LRP1: variants seen among roughly 807,000 people sequenced by gnomAD.
The protein encoded by LRP1 is prolow-density lipoprotein receptor-related protein 1.
A neutral mutation model predicts 541.5 loss-of-function variants in LRP1; 51 were observed. That is an observed-to-expected ratio of 0.09 (90% CI 0.08 to 0.12). The LOEUF is 0.12. Among genes scored for constraint, LRP1 ranks in the 10% least tolerant of loss-of-function variants. LRP1 has a pLI of 1.00. For synonymous variants in LRP1, 2,219 were observed against 2,470.8 expected, an observed-to-expected ratio of 0.90 and a Z score of 3.02; for missense variants, 3,878 against 6,376.2, an observed-to-expected ratio of 0.61 and a Z score of 13.34.
At chr12:57,164,549 T>G (rs1171722499) in intron 15 of LRP1, 2 of 152,232 alleles carry the variant, frequency 1.3e-5, no homozygotes, top group East Asian at 3.8e-4. Flanking sequence ...CTCAGCACTG[T>G]CATGGACATT....
rs764345628 is a variant in LRP1, at chr12:57,180,712, C to T, written c.5432C>T (p.Thr1811Ile). The change falls in exon 33 of 89, where the codon ACA becomes ATA. Residue 1811 changes from threonine (T) to isoleucine (I), a missense_variant. Physicochemically the swap from Thr to Ile is moderately conservative, Grantham distance 89 (BLOSUM62 -1). Coordinates refer to ENST00000243077, the MANE Select transcript of LRP1 (RefSeq NM_002332.3). Reference sequence around the variant, plus strand: ...GATCAGGTGTCGGAAAAGATGGGCACATGCAGCAAGGCTGACGGCTCGGGC... The same window carrying T: ...GATCAGGTGTCGGAAAAGATGGGCATATGCAGCAAGGCTGACGGCTCGGGC... Reference protein sequence around the residue: ...WADQVSEKMGTCSKADGSGSV... With the variant: ...WADQVSEKMGICSKADGSGSV... The T allele has an allele frequency of 4.3e-6, 7 of 1,614,094 alleles. No individual in the cohort carries two copies. Among genetic ancestry groups the T allele is most frequent in the Middle Eastern group, 1.6e-4 (1 of 6,062 alleles).
Position 57,204,401 on chromosome 12 carries a change from T to C in LRP1, c.10952-9T>C. ...GCTCATTCTATCTCTTGGCTCCCCC[T>C]GGCACCAGTGCGGACCTGCCCCCTG... On this transcript the variant is annotated splice_polypyrimidine_tract_variant and intron_variant, in intron 70 of 88. Coordinates refer to ENST00000243077, the MANE Select transcript of LRP1 (RefSeq NM_002332.3). The surrounding 1 kb of genome is among the most constrained non-coding windows in gnomAD (Gnocchi z 5.3). The C allele has an allele frequency of 6.6e-7, 1 of 1,518,912 alleles. No homozygotes were observed. Among genetic ancestry groups the C allele is most frequent in the Non-Finnish European group, 8.8e-7 (1 of 1,132,214 alleles). 94.1% of individuals were successfully genotyped at this position (1,518,912 alleles called of 1,614,324 possible).
Position 57,128,920 on chromosome 12 carries a change from G to C in LRP1, c.-45G>C. 6.6e-7 allele frequency: 1 copy of C among 1,510,712 alleles called. No homozygotes were observed. The highest frequency in any genetic ancestry group is 9.0e-7 in the Non-Finnish European group (1 of 1,114,512). 93.6% of individuals were successfully genotyped at this position (1,510,712 alleles called of 1,614,324 possible). A position where few individuals can be genotyped will look rare whatever the true frequency, so the allele number is the denominator to read the frequency against. ...CTGGGGGGGGTGAAGGAGAGAAGTA[G>C]CAGGACCAGAGGGGAAGGGGCTGCT... is the stretch of plus-strand genomic sequence containing the variant. On this transcript the variant is annotated 5_prime_UTR_variant, in exon 1 of 89. Transcript: ENST00000243077.
At position 57,184,031 on chromosome 12, in the gene LRP1, C is replaced by A; in HGVS notation, c.5930-54C>A. On this transcript the variant is annotated intron_variant, in intron 36 of 88. Coordinates refer to ENST00000243077, the MANE Select transcript of LRP1 (RefSeq NM_002332.3). This position sits in a 1 kb window ranked among gnomAD's most constrained non-coding sequence, Gnocchi z 7.8. ...GGGGTGCCTGGGAGCTTGGAGACACCAGGTCCACCTGTCCTCACCTAACCT... is the reference window on the plus strand; with the variant it reads ...GGGGTGCCTGGGAGCTTGGAGACACAAGGTCCACCTGTCCTCACCTAACCT... The A allele has an allele frequency of 6.2e-7, 1 of 1,601,568 alleles. No individual in the cohort carries two copies. The highest frequency in any genetic ancestry group is 1.1e-5 in the South Asian group (1 of 89,390).
Position 57,156,106 on chromosome 12 carries a change from T to C in LRP1, c.1240T>C (p.Tyr414His). The change falls in exon 9 of 89, where the codon TAC (tyrosine) becomes CAC (histidine). Residue 414 changes from tyrosine to histidine, a missense_variant. By Grantham distance (83) the Tyr-to-His change is moderately conservative. Coordinates refer to ENST00000243077, the MANE Select transcript of LRP1 (RefSeq NM_002332.3). This position sits in a 1 kb window ranked among gnomAD's most constrained non-coding sequence, Gnocchi z 5.2. ...IIQGILIEHL[Y>H]GLTVFENYLY... ...CTGCCCGTCTCAGATTGAGCACCTGTACGGCCTGACTGTGTTTGAGAATTA... is the reference window on the plus strand; with the variant it reads ...CTGCCCGTCTCAGATTGAGCACCTGCACGGCCTGACTGTGTTTGAGAATTA... 1 of 1,614,086 alleles carries C rather than the reference T, an allele frequency of 6.2e-7. No homozygotes were observed. Among genetic ancestry groups the C allele is most frequent in the Non-Finnish European group, 8.5e-7 (1 of 1,179,982 alleles).
At chr12:57,135,939 G>C (rs2136652394) in intron 1 of LRP1, among the ~76,000 whole-genome samples, 1 of 152,296 alleles carries the variant, frequency 6.6e-6, no homozygotes, top group African/African-American at 2.4e-5. Context: ...GGCCGTGGCT[G>C]TGCGCTCTGC....
intron 3 of LRP1, among the ~76,000 whole-genome samples, chr12:57,143,201 G>A (rs2136660683): frequency 6.6e-6 from 1 of 152,270 alleles, no homozygotes; most frequent in Non-Finnish European, 1.5e-5. Context: ...GGCCTCTAGG[G>A]CTCCGGGGAT....
chr12:57,145,520 T>A, intron 6 of LRP1, 30 bp downstream of exon 6: 1 of 1,606,892 alleles, frequency 6.2e-7, no homozygotes, highest in Non-Finnish European at 8.5e-7. Context: ...CTTGGAGGGC[T>A]GGGGAGGGTA....
chr12:57,196,941 AC>A (rs1299792456), intron 55 of LRP1, 40 bp from the exon 56 acceptor site: 1 of 1,554,848 alleles, frequency 6.4e-7, no homozygotes, highest in East Asian at 2.3e-5. Context: ...GGAGGCCCAG[AC>A]CCTGCCACAT....
chr12:57,201,683 G>A lies in LRP1; in HGVS notation c.10468+64G>A, dbSNP rs956810148. 30 of 1,595,538 alleles carry A rather than the reference G, an allele frequency of 1.9e-5. No homozygotes were observed. Among genetic ancestry groups the A allele is most frequent in the East Asian group, 6.7e-5 (3 of 44,540 alleles). ...TGTCTGCTGCTCACACCACCCCGAC[G>A]TGTGACCCCCTCAGTGGCTGCTCCC... On this transcript the variant is annotated intron_variant, in intron 66 of 88. Coordinates refer to ENST00000243077, the MANE Select transcript of LRP1 (RefSeq NM_002332.3). The surrounding 1 kb of genome is among the most constrained non-coding windows in gnomAD (Gnocchi z 6.4).
Position 57,204,890 on chromosome 12 carries a change from TG to T in LRP1, c.11194+146del. 1 of 1,410,640 alleles carries T rather than the reference TG, an allele frequency of 7.1e-7. No homozygotes were observed. 87.4% of individuals were successfully genotyped at this position (1,410,640 alleles called of 1,614,324 possible). A position where few individuals can be genotyped will look rare whatever the true frequency, so the allele number is the denominator to read the frequency against. On this transcript the variant is annotated intron_variant, in intron 72 of 88. Coordinates refer to ENST00000243077, the MANE Select transcript of LRP1 (RefSeq NM_002332.3). This position sits in a 1 kb window ranked among gnomAD's most constrained non-coding sequence, Gnocchi z 5.3. ...AGGGGAGGATCCATTGCTAGGAGCC[TG>T]GGGGCTTTTCGTTAGGAAAGAGAAG...
At position 57,184,938 on chromosome 12, in the gene LRP1, A is replaced by G. The variant is rs2036239403; in HGVS notation, c.6286A>G (p.Met2096Val). 6.2e-7 allele frequency: 1 copy of G among 1,614,122 alleles called. No individual in the cohort carries two copies. Among genetic ancestry groups the G allele is most frequent in the Non-Finnish European group, 8.5e-7 (1 of 1,180,014 alleles). The change falls in exon 39 of 89, where the codon ATG becomes GTG. Residue 2096 changes from methionine (M) to valine (V), a missense_variant. By Grantham distance (21) the Met-to-Val change is conservative. Coordinates refer to ENST00000243077, the MANE Select transcript of LRP1 (RefSeq NM_002332.3). The surrounding 1 kb of genome is among the most constrained non-coding windows in gnomAD (Gnocchi z 7.8). ...CGAGGTGGTTCTGTCCAGCAACAAC[A>G]TGGACATGTTTTCAGTGTCTGTGTT... ...NREVVLSSNN[M>V]DMFSVSVFED...
Position 57,211,138 on chromosome 12 carries a change from G to T in LRP1, c.12917-38G>T. 1.9e-6 allele frequency: 3 copies of T among 1,604,170 alleles called. No homozygotes were observed. Among genetic ancestry groups the T allele is most frequent in the Non-Finnish European group, 2.6e-6 (3 of 1,172,370 alleles). On this transcript the variant is annotated intron_variant, in intron 83 of 88. Coordinates refer to ENST00000243077, the MANE Select transcript of LRP1 (RefSeq NM_002332.3). The surrounding 1 kb of genome is among the most constrained non-coding windows in gnomAD (Gnocchi z 4.3). ...CAACCTATGGAGAGCCCTCATGAGG[G>T]TGGGGCTTGAGGCACTTCTCTCCCT...
Position 57,192,839 on chromosome 12 carries a change from G to C in LRP1, c.7430-6G>C. ...CCAGCCCTGCGCCCACCCTGTCCCT[G>C]CTCAGGTGAACTCTCTCCATGCCGA... On this transcript the variant is annotated splice_region_variant and splice_polypyrimidine_tract_variant and intron_variant, in intron 44 of 88. Transcript: ENST00000243077. The C allele has an allele frequency of 6.2e-7, 1 of 1,614,058 alleles. No homozygotes were observed. Among genetic ancestry groups the C allele is most frequent in the Non-Finnish European group, 8.5e-7 (1 of 1,180,028 alleles).
At position 57,169,108 on chromosome 12, in the gene LRP1, C is replaced by T. The variant is rs376516621; in HGVS notation, c.2996-32C>T. ...GAGAAGGCTGCTCCACCAACTCCCG[C>T]TTTGCCTCTCCCCTTCTTCCCCCAC... is the stretch of plus-strand genomic sequence containing the variant. On this transcript the variant is annotated intron_variant, in intron 19 of 88. Transcript: ENST00000243077. 57 of 1,582,420 alleles carry T rather than the reference C, an allele frequency of 3.6e-5. No individual in the cohort carries two copies. In the African/African-American group the frequency reaches 7.0e-4, roughly 19 times the overall value.
Position 57,197,428 on chromosome 12 carries a change from C to T in LRP1, c.9162+44C>T. On this transcript the variant is annotated intron_variant, in intron 57 of 88. Coordinates refer to ENST00000243077, the MANE Select transcript of LRP1 (RefSeq NM_002332.3). The surrounding 1 kb of genome is among the most constrained non-coding windows in gnomAD (Gnocchi z 4.5). ...CCTCCCCGCTGCCCATCTCCCAGAC[C>T]CAGCACAGCCTCCCTTGCAAGTCTC... 1.2e-6 allele frequency: 2 copies of T among 1,609,748 alleles called. No individual in the cohort carries two copies.
intron 20 of LRP1, among the ~76,000 whole-genome samples, chr12:57,171,673 C>T (rs941415157): frequency 4.6e-5 from 7 of 152,020 alleles, no homozygotes; most frequent in African/African-American, 9.7e-5. Flanking sequence ...GGTTCAGGGG[C>T]CCCAAGAAAG....
chr12:57,128,930 A>C lies in LRP1; in HGVS notation c.-35A>C. Reference sequence around the variant, plus strand: ...TGAAGGAGAGAAGTAGCAGGACCAGAGGGGAAGGGGCTGCTGCTTGCATCA... The same window carrying C: ...TGAAGGAGAGAAGTAGCAGGACCAGCGGGGAAGGGGCTGCTGCTTGCATCA... On this transcript the variant is annotated 5_prime_UTR_variant, in exon 1 of 89. Transcript: ENST00000243077. 1 of 1,525,304 alleles carries C rather than the reference A, an allele frequency of 6.6e-7. No homozygotes were observed. Among genetic ancestry groups the C allele is most frequent in the Non-Finnish European group, 8.9e-7 (1 of 1,126,408 alleles). 94.5% of individuals were successfully genotyped at this position (1,525,304 alleles called of 1,614,324 possible).
At position 57,202,551 on chromosome 12, in the gene LRP1, C is replaced by CCCCCCCCCCCCCCCCCA; in HGVS notation, c.10711+14_10711+15insCCCCCCCCCCCCCCCCA. ...AAGAGAGCTGCAGTACGTCCCCACC[C>CCCCCCCCCCCCCCCCCA]ACCCAGCCCCGCATGAGCCCCTCCC... is the stretch of plus-strand genomic sequence containing the variant. On this transcript the variant is annotated intron_variant, in intron 68 of 88. Transcript: ENST00000243077. The CCCCCCCCCCCCCCCCCA allele has an allele frequency of 6.5e-7, 1 of 1,532,452 alleles. No individual in the cohort carries two copies. Among genetic ancestry groups the CCCCCCCCCCCCCCCCCA allele is most frequent in the South Asian group, 1.2e-5 (1 of 83,640 alleles). 94.9% of individuals were successfully genotyped at this position (1,532,452 alleles called of 1,614,324 possible).
Sources: gnomAD v4.1 joint callset for allele counts (sites outside exome capture counted in the v4.1 genomes callset) on GRCh38, gnomAD v4.1.1 for gene constraint, Gnocchi (gnomAD v3.1) non-coding constraint, MANE v1.5 for transcripts, NCBI Gene and HGNC (gene_info 2026-07-23, HGNC 2026-07-21) for gene names.